Variants in RFC3 observed in about 807,000 individuals in gnomAD.
RFC3 encodes the protein A1 38 kDa subunit.
In RFC3, 41 loss-of-function variants were observed where a neutral mutation model predicts 45.1. The observed-to-expected ratio is 0.91, with a 90% CI of 0.71 to 1.18. RFC3 has a LOEUF of 1.18. RFC3 is among the 50% of genes most tolerant of loss of function. The pLI, the probability that RFC3 is intolerant of heterozygous loss-of-function variation, is 0.00. For synonymous variants in RFC3, 149 were observed against 144.0 expected (o/e 1.03, Z -0.25); for missense variants, 423 against 428.1 (o/e 0.99, Z 0.10).
chr13:33,896,505 C>A (rs2137651668), intron 8 of RFC3, among the ~76,000 whole-genome samples: 1 of 151,836 alleles, frequency 6.6e-6, no homozygotes, highest in East Asian at 1.9e-4. Flanking sequence ...GGGTGGATCA[C>A]TTGAAGTCAG....
intron 8 of RFC3, among the ~76,000 whole-genome samples, chr13:33,867,466 A>C (rs932264267): frequency 6.6e-6 from 1 of 152,228 alleles, no homozygotes; most frequent in African/African-American, 2.4e-5. Context: ...AAGTAAACTT[A>C]ATCATTTTAA....
rs1292997587 is a variant in RFC3 at position 33,950,100 on chromosome 13, C to CAT, written c.880-15986_880-15985insTA. On this transcript the variant is annotated intron_variant, in intron 8 of 8. Coordinates refer to the RFC3 transcript ENST00000434425. Reference sequence around the variant, plus strand: ...ACACACACACACACACACACACACACACACACCCCGTTATGGTTTGGTTTC... The same window carrying CAT: ...ACACACACACACACACACACACACACATACACACCCCGTTATGGTTTGGTTTC... 1.4e-4 allele frequency among the ~76,000 whole-genome samples: 21 copies of CAT among 151,820 alleles called. No homozygotes were observed. In the East Asian group the frequency reaches 3.9e-3, roughly 28 times the overall value.
chr13:33,844,801 T>C (rs184684300), intron 8 of RFC3, among the ~76,000 whole-genome samples: 2 of 152,234 alleles, frequency 1.3e-5, no homozygotes, highest in Admixed American at 1.3e-4. Context: ...ATTCAAGATA[T>C]GGATAGTTTA....
intron 8 of RFC3, among the ~76,000 whole-genome samples, chr13:33,936,361 A>G (rs2082886249): frequency 6.6e-6 from 1 of 152,114 alleles, no homozygotes; most frequent in Admixed American, 6.5e-5. Flanking sequence ...CTAAATTACT[A>G]TTTAGTTATA....
At chr13:33,863,368 T>C (rs1471479930) in intron 8 of RFC3, among the ~76,000 whole-genome samples, 1 of 152,202 alleles carries the variant, frequency 6.6e-6, no homozygotes, top group Non-Finnish European at 1.5e-5. Flanking sequence ...TTCATCTTCA[T>C]GCACATAGCA....
intron 8 of RFC3, among the ~76,000 whole-genome samples, chr13:33,954,820 T>C (rs1414412361): frequency 1.3e-5 from 2 of 152,148 alleles, no homozygotes; most frequent in African/African-American, 2.4e-5. Flanking sequence ...AGAGACCTCA[T>C]CTCCAAATAC....
intron 8 of RFC3, among the ~76,000 whole-genome samples, chr13:33,916,592 C>T (rs1283538865): frequency 6.6e-6 from 1 of 152,056 alleles, no homozygotes; most frequent in Non-Finnish European, 1.5e-5. Flanking sequence ...CTAATAGCAC[C>T]AGTGATGACT....
intron 8 of RFC3, among the ~76,000 whole-genome samples, chr13:33,912,360 GTGTGACAAATGCAATAAA>G (rs2082708555): frequency 6.6e-6 from 1 of 152,072 alleles, no homozygotes; most frequent in Admixed American, 6.6e-5. Context: ...CTGCAAAATA[GTGTGACAAATGCAATAAA>G]TGTCCTAAGA....
chr13:33,858,531 A>C (rs538391894), intron 8 of RFC3, among the ~76,000 whole-genome samples: 11 of 152,130 alleles, frequency 7.2e-5, no homozygotes, highest in Admixed American at 1.3e-4. Flanking sequence ...TCATGTTCTG[A>C]GATGGCAGCT....
At chr13:33,841,979 T>C (rs180851466), downstream of RFC3, among the ~76,000 whole-genome samples, 2 of 152,254 alleles carry the variant, frequency 1.3e-5, no homozygotes, top group Admixed American at 1.3e-4. Context: ...CCATGGTCAA[T>C]TGCAATTTGA....
chr13:33,917,444 C>T (rs1325977700), intron 8 of RFC3, among the ~76,000 whole-genome samples: 1 of 152,124 alleles, frequency 6.6e-6, no homozygotes, highest in Non-Finnish European at 1.5e-5. Flanking sequence ...TCCAGGGCCT[C>T]TTCAGGATCT....
intron 4 of RFC3, among the ~76,000 whole-genome samples, chr13:33,829,091 T>C (rs566798083): frequency 2.0e-5 from 3 of 152,332 alleles, no homozygotes; most frequent in East Asian, 3.9e-4. Context: ...TTTATTTTTA[T>C]GGGGCAGATC....
intron 8 of RFC3, among the ~76,000 whole-genome samples, chr13:33,912,316 A>G (rs1395609143): frequency 3.3e-5 from 5 of 151,978 alleles, no homozygotes; most frequent in Non-Finnish European, 7.4e-5. Context: ...CCCACCCCAC[A>G]GTGATGGTGG....
chr13:33,889,090 A>AC (rs1418091310), intron 8 of RFC3, among the ~76,000 whole-genome samples: 1 of 152,216 alleles, frequency 6.6e-6, no homozygotes, highest in Non-Finnish European at 1.5e-5. Context: ...TACTTTCTTC[A>AC]TGCCAACTCT....
chr13:33,870,721 G>A (rs569183208), intron 8 of RFC3, among the ~76,000 whole-genome samples: 1 of 152,202 alleles, frequency 6.6e-6, no homozygotes, highest in Non-Finnish European at 1.5e-5. Context: ...CCTACCTAAG[G>A]TAGGACCATT....
chr13:33,837,601 G>C (rs187370453), downstream of RFC3: 182 of 152,102 alleles, frequency 1.2e-3, 1 homozygote, highest in African/African-American at 4.2e-3. Context: ...CTTTTAAAAA[G>C]TTGCTTAACT....
intron 8 of RFC3, among the ~76,000 whole-genome samples, chr13:33,954,360 T>C (rs372969994): frequency 3.5e-4 from 54 of 152,304 alleles, no homozygotes; most frequent in African/African-American, 1.3e-3. Flanking sequence ...CCCTGAGTGA[T>C]GGTCATTTCA....
chr13:33,947,975 C>A (rs1206562627), intron 8 of RFC3, among the ~76,000 whole-genome samples: 1 of 152,158 alleles, frequency 6.6e-6, no homozygotes, highest in South Asian at 2.1e-4. Flanking sequence ...GAAAAGAAAA[C>A]CCCATTTTCT....
intron 8 of RFC3, among the ~76,000 whole-genome samples, chr13:33,886,534 GAAAAAAGAAAAAAAA>G (rs1054743198): frequency 3.5e-5 from 4 of 114,980 alleles, no homozygotes; most frequent in South Asian, 5.5e-4. Context: ...GACTCCATCT[GAAAAAAGAAAAAAAA>G]AAAAAAGAAA....
Sources: gnomAD v4.1 joint callset for allele counts (sites outside exome capture counted in the v4.1 genomes callset) on GRCh38, gnomAD v4.1.1 for gene constraint, MANE v1.5 for transcripts, NCBI Gene and HGNC (gene_info 2026-07-23, HGNC 2026-07-21) for gene names.